The following MYH11 variants were observed in gnomAD, a reference collection of about 807,000 sequenced individuals.
MYH11 encodes myosin heavy chain 11.
A neutral mutation model predicts 246.6 loss-of-function variants in MYH11; 80 were observed. The observed-to-expected ratio is 0.32, with a 90% confidence interval of 0.27 to 0.39. The LOEUF (loss-of-function observed/expected upper bound fraction) is 0.39, where lower values mean the gene tolerates loss of function less well. Among genes scored for constraint, MYH11 ranks in the 10% least tolerant of loss-of-function variants. The pLI is 1.00. For missense variants in MYH11, 2,158 were observed against 2,546.8 expected (o/e 0.85, Z 3.29); for synonymous variants, 1,071 against 1,015.5 (o/e 1.05, Z -1.04).
intron 8 of MYH11, among the ~76,000 whole-genome samples, chr16:15,775,486 C>T (rs960514529): frequency 2.0e-5 from 3 of 150,778 alleles, no homozygotes; most frequent in Non-Finnish European, 2.9e-5. Context: ...TGCCTGCACT[C>T]ATTGGTTTAT....
chr16:15,779,114 T>C (rs1159098238), intron 6 of MYH11: 4 of 566,170 alleles, frequency 7.1e-6, no homozygotes, highest in Non-Finnish European at 1.3e-5. Flanking sequence ...CCATCATGGC[T>C]ATCCCTATTT....
intron 38 of MYH11, 78 bp downstream of exon 38, chr16:15,717,061 GA>G: frequency 6.9e-7 from 1 of 1,444,614 alleles, no homozygotes; most frequent in Admixed American, 1.7e-5. Context: ...GATGCTGGAA[GA>G]GGTTCCCTGA....
At position 15,719,701 on chromosome 16, in the gene MYH11, CCTT is replaced by C; in HGVS notation, c.4963_4965del (p.Lys1655del). The stretch of plus-strand genomic sequence containing the variant: ...GCATCTTCCAGCTCTCTTTGAAAGT[CCTT>C]CATCTGAGCCTGCATGAGTCAACAG... On this transcript the variant is annotated inframe_deletion, in exon 35 of 41. Transcript: ENST00000300036. 6.2e-7 allele frequency: 1 copy of C among 1,614,174 alleles called. No individual in the cohort carries two copies.
rs920151829 is a variant in MYH11, at chr16:15,703,296, C to A, written c.*695G>T. ...CTGTGCGTGTCTGAGGTGTGGAAAC[C>A]AGGAGAGGGGGAAAGAATTCTCAAA... On this transcript the variant is annotated 3_prime_UTR_variant, in exon 41 of 41. Transcript: ENST00000300036. 6.2e-5 allele frequency: 14 copies of A among 227,024 alleles called. No individual in the cohort carries two copies. In the Admixed American group the frequency reaches 7.0e-4, roughly 11 times the overall value. 14.1% of individuals were successfully genotyped at this position (227,024 alleles called of 1,614,324 possible). A position where few individuals can be genotyped will look rare whatever the true frequency, so the allele number is the denominator to read the frequency against.
In MYH11 at chr16:15,810,937, A is replaced by G. The variant is rs559931931; in HGVS notation, c.503-12250T>C. ...CTGAATCGGCAGGACAGGATATTCAACCAAAGATATTTAACCCCTTTCTGA... is the reference window on the plus strand; with the variant it reads ...CTGAATCGGCAGGACAGGATATTCAGCCAAAGATATTTAACCCCTTTCTGA... On this transcript the variant is annotated intron_variant, in intron 3 of 40. Transcript: ENST00000300036. Among the ~76,000 whole-genome samples, 3 of 152,296 alleles carry G rather than the reference A, an allele frequency of 2.0e-5. No individual in the cohort carries two copies. The South Asian group carries it at 6.2e-4, about 32-fold the overall frequency.
rs372135636 is a variant in MYH11, at chr16:15,782,532, C to G, written c.634-55G>C. The G allele has an allele frequency of 6.0e-5, 86 of 1,433,650 alleles. No homozygotes were observed. The African/African-American group carries it at 1.1e-3, about 18-fold the overall frequency. The allele number at this position is 1,433,650 out of a possible 1,614,324, so 88.8% of individuals were successfully genotyped here. On this transcript the variant is annotated intron_variant, in intron 5 of 40. Coordinates refer to ENST00000300036, the MANE Select transcript of MYH11 (RefSeq NM_002474.3). ...GAAAGCAACCTAGGTCCTGACAGTT[C>G]TACCTTGGATGGATGTTGTCACAAA...
intron 2 of MYH11, among the ~76,000 whole-genome samples, chr16:15,828,762 C>T (rs1307558051): frequency 6.8e-6 from 1 of 146,954 alleles, no homozygotes; most frequent in African/African-American, 2.5e-5. Flanking sequence ...TGCTGCACTC[C>T]AGCCTGGGCA....
chr16:15,745,959 C>T (rs2041408372), intron 19 of MYH11, among the ~76,000 whole-genome samples: 1 of 152,080 alleles, frequency 6.6e-6, no homozygotes. Context: ...CTCTGCGGCC[C>T]AGGCTGGAGT....
chr16:15,724,610 A>AG, intron 30 of MYH11, 37 bp downstream of exon 30: 1 of 1,613,126 alleles, frequency 6.2e-7, no homozygotes, highest in Non-Finnish European at 8.5e-7. Context: ...AGAAGTTGAG[A>AG]GGACCCATGA....
chr16:15,765,271 T>G (rs1263202039), intron 9 of MYH11, among the ~76,000 whole-genome samples: 1 of 151,764 alleles, frequency 6.6e-6, no homozygotes, highest in Non-Finnish European at 1.5e-5. Flanking sequence ...GATGGATGAA[T>G]AGAGGATGGA....
At position 15,724,481 on chromosome 16, in the gene MYH11, CTG is replaced by C. The variant is rs1339936364; in HGVS notation, c.4117-74_4117-73del. ...GCCCCTGTCCCTGGCCCCACAGACT[CTG>C]AGAAGCGAAGACCATGTCTCCTCGT... On this transcript the variant is annotated intron_variant, in intron 30 of 40. Transcript: ENST00000300036. The C allele has an allele frequency of 4.3e-6, 7 of 1,609,294 alleles. No individual in the cohort carries two copies. The Admixed American group carries it at 8.3e-5, about 19-fold the overall frequency.
intron 31 of MYH11, among the ~76,000 whole-genome samples, chr16:15,722,655 T>G (rs1324659340): frequency 6.6e-6 from 1 of 152,112 alleles, no homozygotes; most frequent in Non-Finnish European, 1.5e-5. Flanking sequence ...AACTGGGATG[T>G]TATCTAGAAT....
At chr16:15,806,879 T>A (rs1285694921) in intron 3 of MYH11, among the ~76,000 whole-genome samples, 3 of 152,160 alleles carry the variant, frequency 2.0e-5, no homozygotes, top group Non-Finnish European at 4.4e-5. Flanking sequence ...GGAAAATGCA[T>A]ATTCACGTGT....
Position 15,715,159 on chromosome 16 carries a change from G to T in MYH11, c.5613+5C>A, listed in dbSNP as rs2040055306. 1.2e-6 allele frequency: 2 copies of T among 1,613,186 alleles called. No individual in the cohort carries two copies. The highest frequency in any genetic ancestry group is 1.1e-5 in the South Asian group (1 of 91,086). ...GCTCGAGGGAGGCTGGGTGGCAGGG[G>T]CTACCTGCTCCTTGTACTGCTCGGC... is the stretch of plus-strand genomic sequence containing the variant. On this transcript the variant is annotated splice_donor_5th_base_variant and intron_variant, in intron 39 of 40. Transcript: ENST00000300036.
rs775857907 is a variant in MYH11, at chr16:15,724,316, G to C, written c.4210C>G (p.Leu1404Val). The change falls in exon 31 of 41, where the codon CTC (leucine) becomes GTC (valine). Residue 1404 changes from leucine (L) to valine (V), a missense_variant. This residue lies in a region of MYH11 where 1,013 missense variants were observed against 993.5 expected (regional missense o/e 1.02). Coordinates refer to ENST00000300036, the MANE Select transcript of MYH11 (RefSeq NM_002474.3). ...KKRFQKEIEN[L>V]TQQYEEKAAA... Reference sequence around the variant, plus strand: ...GCCTTCTCCTCGTACTGCTGGGTGAGGTTCTCGATCTCCTTCTGGAACCTC... The same window carrying C: ...GCCTTCTCCTCGTACTGCTGGGTGACGTTCTCGATCTCCTTCTGGAACCTC... The C allele has an allele frequency of 5.0e-6, 8 of 1,614,152 alleles. No individual in the cohort carries two copies. In the South Asian group the frequency reaches 6.6e-5, roughly 13 times the overall value.
chr16:15,745,420 G>C lies in MYH11; in HGVS notation c.2412-183C>G, dbSNP rs146651773. 0.024 allele frequency among the ~76,000 whole-genome samples: 3,599 copies of C among 152,134 alleles called. 70 individuals are homozygous for C. Among genetic ancestry groups the C allele is most frequent in the South Asian group, 0.071 (342 of 4,810 alleles). On this transcript the variant is annotated intron_variant, in intron 19 of 40. Transcript: ENST00000300036. ...CTGCAAACAACTTAAATCATCTACAGGACAGAGCCTTTTTCAGTGGACAAG... is the reference window on the plus strand; with the variant it reads ...CTGCAAACAACTTAAATCATCTACACGACAGAGCCTTTTTCAGTGGACAAG...
intron 2 of MYH11, among the ~76,000 whole-genome samples, chr16:15,827,645 C>T (rs898577224): frequency 6.6e-6 from 1 of 152,194 alleles, no homozygotes; most frequent in Non-Finnish European, 1.5e-5. Flanking sequence ...CCCCTTTCTC[C>T]TCTTCAGTCC....
intron 22 of MYH11, chr16:15,741,022 C>T (rs1008728612): frequency 3.8e-5 from 12 of 314,382 alleles, no homozygotes; most frequent in Non-Finnish European, 6.2e-5. Context: ...AGTGGGTCCT[C>T]CAGCCCCAGA....
Position 15,720,278 on chromosome 16 carries a change from C to T in MYH11, c.4826G>A (p.Arg1609Gln), listed in dbSNP as rs190316422. Residue 1609 changes from arginine (R) to glutamine (Q), a missense_variant, in exon 34 of 41, where the codon CGA (arginine) becomes CAA (glutamine). Arg to Gln is a conservative substitution (Grantham distance 43). Transcript: ENST00000300036. ...TGCAGCTGCCAGGGCACGTTGCTTTCGCTCGTCTTCCAGTTCCGTCTCATA... is the reference window on the plus strand; with the variant it reads ...TGCAGCTGCCAGGGCACGTTGCTTTTGCTCGTCTTCCAGTTCCGTCTCATA... ...HEYETELEDE[R>Q]KQRALAAAAK... 1.3e-5 allele frequency: 21 copies of T among 1,614,140 alleles called. No individual in the cohort carries two copies. The highest frequency in any genetic ancestry group is 3.3e-4 in the Middle Eastern group (2 of 6,062).
Sources: allele counts gnomAD v4.1 joint callset (sites outside exome capture counted in the v4.1 genomes callset), GRCh38; gene constraint gnomAD v4.1.1; regional missense constraint gnomAD v4.1.1; transcripts MANE v1.5; gene names NCBI Gene and HGNC (gene_info 2026-07-23, HGNC 2026-07-21).